The following AKAP6 variants were observed in gnomAD, a reference collection of about 807,000 sequenced individuals.
AKAP6 encodes the protein A-kinase anchoring protein 6.
Under a neutral mutation model 188.5 loss-of-function variants are expected in AKAP6, and 58 were observed. The ratio of observed to expected loss-of-function variants is 0.31; its 90% CI spans 0.25 to 0.38. The LOEUF is 0.38. AKAP6 is among the 10% of genes least tolerant of loss of function. The probability of loss-of-function intolerance (pLI) is 1.00; values close to 1 mark genes in which losing one functional copy is unlikely to be tolerated. For missense variants in AKAP6, 2,710 were observed against 2,740.0 expected, an observed-to-expected ratio of 0.99 and a Z score of 0.24; for synonymous variants, 989 against 998.6, an observed-to-expected ratio of 0.99 and a Z score of 0.18.
intron 11 of AKAP6, among the ~76,000 whole-genome samples, chr14:32,757,478 C>T (rs1197956830): frequency 6.6e-6 from 1 of 152,124 alleles, no homozygotes; most frequent in African/African-American, 2.4e-5. Flanking sequence ...AGCCCAGGCT[C>T]CCCTTTAAAT....
At chr14:32,482,690 T>C (rs966575682) in intron 2 of AKAP6, among the ~76,000 whole-genome samples, 1 of 152,222 alleles carries the variant, frequency 6.6e-6, no homozygotes, top group Admixed American at 6.5e-5. Context: ...TGAGTTATCT[T>C]GTTTTTTAAT....
At chr14:32,633,000 T>C (rs1200481117) in intron 7 of AKAP6, among the ~76,000 whole-genome samples, 1 of 152,082 alleles carries the variant, frequency 6.6e-6, no homozygotes. Flanking sequence ...GTAAAATCAT[T>C]CTAAATGTAA....
chr14:32,481,807 G>A (rs988216648), intron 2 of AKAP6, among the ~76,000 whole-genome samples: 3 of 152,146 alleles, frequency 2.0e-5, no homozygotes, highest in Admixed American at 1.3e-4. Flanking sequence ...TCTTTGACTT[G>A]TGTATTCCTT....
chr14:32,353,265 A>G (rs1008088537), intron 1 of AKAP6, among the ~76,000 whole-genome samples: 1 of 152,164 alleles, frequency 6.6e-6, no homozygotes, highest in African/African-American at 2.4e-5. Context: ...AAATATTGTT[A>G]AAAGTATGGC....
chr14:32,814,194 G>A (rs1292802354), intron 12 of AKAP6, among the ~76,000 whole-genome samples: 3 of 152,162 alleles, frequency 2.0e-5, no homozygotes, highest in Non-Finnish European at 4.4e-5. Context: ...GGTTACAGAT[G>A]ATTTTCTCTT....
intron 11 of AKAP6, among the ~76,000 whole-genome samples, chr14:32,756,208 T>G (rs1174637639): frequency 6.6e-6 from 1 of 152,016 alleles, no homozygotes; most frequent in Non-Finnish European, 1.5e-5. Context: ...CTGAAGCTTG[T>G]GTCTGTGGTG....
At chr14:32,763,208 C>T (rs1955511) in intron 11 of AKAP6, among the ~76,000 whole-genome samples, 143,359 of 152,154 alleles carry the variant, frequency 0.94, 67,585 homozygotes, top group African/African-American at 0.97. Context: ...TGAAAGAAGT[C>T]ATAATCTACT....
intron 2 of AKAP6, among the ~76,000 whole-genome samples, chr14:32,436,036 T>A (rs1007071047): frequency 2.0e-5 from 3 of 152,230 alleles, no homozygotes; most frequent in Admixed American, 2.0e-4. Context: ...GAGTTTTATA[T>A]GTGGAAACAC....
chr14:32,692,186 G>A (rs1890210185), intron 8 of AKAP6, among the ~76,000 whole-genome samples: 1 of 152,110 alleles, frequency 6.6e-6, no homozygotes, highest in Non-Finnish European at 1.5e-5. Flanking sequence ...TTTGCTACTT[G>A]CAGGTCTCCA....
intron 12 of AKAP6, among the ~76,000 whole-genome samples, chr14:32,805,906 G>A (rs2034076805): frequency 1.3e-5 from 2 of 152,208 alleles, no homozygotes; most frequent in African/African-American, 4.8e-5. Flanking sequence ...GAGAAGAGTA[G>A]CAGTGCAATA....
At chr14:32,738,791 T>C (rs2031548461) in intron 11 of AKAP6, among the ~76,000 whole-genome samples, 1 of 152,192 alleles carries the variant, frequency 6.6e-6, no homozygotes, top group African/African-American at 2.4e-5. Context: ...AAACATTTTC[T>C]GTAAAAGCCG....
At chr14:32,355,289 G>A (rs936576015) in intron 1 of AKAP6, among the ~76,000 whole-genome samples, 2 of 152,112 alleles carry the variant, frequency 1.3e-5, no homozygotes, top group African/African-American at 4.8e-5. Flanking sequence ...TTCTGTTGTT[G>A]TATGTAAATC....
intron 7 of AKAP6, among the ~76,000 whole-genome samples, chr14:32,665,444 G>A (rs1337399505): frequency 1.3e-5 from 2 of 152,108 alleles, no homozygotes; most frequent in Non-Finnish European, 2.9e-5. Flanking sequence ...GGATACAGAT[G>A]AAGAGATGCA....
rs184197894 is a variant in AKAP6 at position 32,773,170 on chromosome 14, T to C, written c.3373-508T>C. On this transcript the variant is annotated intron_variant, in intron 11 of 13. Coordinates refer to ENST00000280979, the MANE Select transcript of AKAP6 (RefSeq NM_004274.5). ...GAAGAGGAATATTGCTTATCTTTTT[T>C]TTTCAGATAATAGATTTTATATATA... Among the ~76,000 whole-genome samples the C allele has an allele frequency of 5.4e-3, 823 of 152,294 alleles. 14 individuals are homozygous for C. Among genetic ancestry groups the C allele is most frequent in the African/African-American group, 0.019 (797 of 41,576 alleles).
intron 7 of AKAP6, among the ~76,000 whole-genome samples, chr14:32,620,111 ACTGAGAT>A (rs1886752833): frequency 3.9e-5 from 6 of 152,006 alleles, no homozygotes; most frequent in Admixed American, 3.9e-4. Context: ...ACGTTGGCAA[ACTGAGAT>A]AGTTTAACTC....
At chr14:32,796,832 G>C (rs1013408679) in intron 12 of AKAP6, among the ~76,000 whole-genome samples, 1 of 152,166 alleles carries the variant, frequency 6.6e-6, no homozygotes, top group African/African-American at 2.4e-5. Context: ...CTTCTGCATA[G>C]CACAAGAAAC....
Position 32,659,435 on chromosome 14 carries a change from A to C in AKAP6, c.2731-18876A>C, listed in dbSNP as rs552585185. ...ACCATAAGCACAAATACTTTAAACAAGCTGTCCATCTAAGAGAGCCATCAA... is the reference window on the plus strand; with the variant it reads ...ACCATAAGCACAAATACTTTAAACACGCTGTCCATCTAAGAGAGCCATCAA... On this transcript the variant is annotated intron_variant, in intron 7 of 13. Coordinates refer to ENST00000280979, the MANE Select transcript of AKAP6 (RefSeq NM_004274.5). 4.6e-5 allele frequency among the ~76,000 whole-genome samples: 7 copies of C among 152,250 alleles called. No individual in the cohort carries two copies. In the South Asian group the frequency reaches 1.4e-3, roughly 32 times the overall value.
intron 7 of AKAP6, among the ~76,000 whole-genome samples, chr14:32,641,795 G>A (rs1887768640): frequency 6.6e-6 from 1 of 152,074 alleles, no homozygotes; most frequent in South Asian, 2.1e-4. Context: ...TGAAGAATGG[G>A]TACAAAAATT....
Position 32,747,627 on chromosome 14 carries a change from C to T in AKAP6, c.3372+11745C>T, listed in dbSNP as rs76887866. The stretch of plus-strand genomic sequence containing the variant: ...GGAAATAATTTTAAATAATTGGATA[C>T]AGTTCAGGACTGCCTTATAAGAAAA... On this transcript the variant is annotated intron_variant, in intron 11 of 13. Transcript: ENST00000280979. Among the ~76,000 whole-genome samples, 539 of 152,172 alleles carry T rather than the reference C, an allele frequency of 3.5e-3. 3 individuals carry two copies. Among genetic ancestry groups the T allele is most frequent in the African/African-American group, 0.012 (501 of 41,516 alleles).
Sources: gnomAD v4.1 joint callset for allele counts (sites outside exome capture counted in the v4.1 genomes callset) on GRCh38, gnomAD v4.1.1 for gene constraint, MANE v1.5 for transcripts, NCBI Gene and HGNC (gene_info 2026-07-23, HGNC 2026-07-21) for gene names.